Variants in TULP4 observed in about 807,000 individuals in gnomAD.
The protein encoded by TULP4 is tubby-related protein 4.
TULP4 carries 16 observed loss-of-function variants against 129.0 expected under a neutral mutation model. The ratio of observed to expected loss-of-function variants is 0.12; its 90% CI spans 0.08 to 0.19. The LOEUF (loss-of-function observed/expected upper bound fraction) is 0.19, where lower values mean the gene tolerates loss of function less well. Ranked by LOEUF, TULP4 falls within the 10% of genes least tolerant of loss-of-function variation. TULP4 has a pLI of 1.00. For missense variants in TULP4, 1,842 were observed against 2,059.1 expected (o/e 0.89, Z 2.04); for synonymous variants, 998 against 854.0 (o/e 1.17, Z -2.94).
intron 2 of TULP4, among the ~76,000 whole-genome samples, chr6:158,426,761 T>C (rs1302104501): frequency 1.3e-5 from 2 of 152,206 alleles, no homozygotes; most frequent in Non-Finnish European, 2.9e-5. Flanking sequence ...ATGAAGAATG[T>C]CATTGGTAGT....
At position 158,313,678 on chromosome 6, in the gene TULP4, C is replaced by T. The variant is rs907058794; in HGVS notation, c.-339C>T. 1.8e-5 allele frequency: 8 copies of T among 443,928 alleles called. No individual in the cohort carries two copies. The South Asian group carries it at 2.8e-4, about 15-fold the overall frequency. The allele number at this position is 443,928 out of a possible 1,614,324, so 27.5% of individuals were successfully genotyped here. A position where few individuals can be genotyped will look rare whatever the true frequency, so the allele number is the denominator to read the frequency against. Reference sequence around the variant, plus strand: ...CCAAGTGGAGTAAAAAGAAGAAAACCGTTTCTTGATCACCACTTAATTAAC... The same window carrying T: ...CCAAGTGGAGTAAAAAGAAGAAAACTGTTTCTTGATCACCACTTAATTAAC... On this transcript the variant is annotated 5_prime_UTR_variant, in exon 1 of 14. Transcript: ENST00000367097.
At chr6:158,314,537 G>A (rs1779445023) in intron 1 of TULP4, among the ~76,000 whole-genome samples, 1 of 152,148 alleles carries the variant, frequency 6.6e-6, no homozygotes, top group African/African-American at 2.4e-5. Flanking sequence ...TCCGGGCAGT[G>A]GGAAGACGCC....
At chr6:158,338,703 C>T (rs1780102883) in intron 1 of TULP4, among the ~76,000 whole-genome samples, 1 of 152,172 alleles carries the variant, frequency 6.6e-6, no homozygotes, top group African/African-American at 2.4e-5. Context: ...AAACTTGGCC[C>T]AGGGACCTAA....
intron 2 of TULP4, among the ~76,000 whole-genome samples, chr6:158,418,771 A>G (rs951193323): frequency 6.6e-6 from 1 of 152,164 alleles, no homozygotes; most frequent in East Asian, 1.9e-4. Context: ...AAGTCTCTAG[A>G]CAAATAAACA....
chr6:158,437,978 C>T (rs1405183235), intron 3 of TULP4: 1 of 152,160 alleles, frequency 6.6e-6, no homozygotes, highest in Non-Finnish European at 1.5e-5. Flanking sequence ...CGGCTCAAGT[C>T]AGAAACTCCC....
chr6:158,305,885 C>T (rs6919284), intron 1 of TULP4, among the ~76,000 whole-genome samples: 131,562 of 152,064 alleles, frequency 0.87, 57,281 homozygotes, highest in Admixed American at 0.92. Flanking sequence ...TCTTATCATT[C>T]CTTGGAAACT....
intron 13 of TULP4, 132 bp downstream of exon 13, chr6:158,504,310 A>T (rs1780547101): frequency 1.4e-6 from 1 of 735,548 alleles, no homozygotes; most frequent in Non-Finnish European, 2.2e-6. Context: ...GGTGGAGCTC[A>T]TGGGGTTATG....
In TULP4 at chr6:158,329,580, T is replaced by C. The variant is rs576996426; in HGVS notation, c.252+15312T>C. 2.2e-3 allele frequency among the ~76,000 whole-genome samples: 334 copies of C among 152,226 alleles called. 1 individual carries two copies. Among genetic ancestry groups the C allele is most frequent in the Middle Eastern group, 3.4e-3 (1 of 294 alleles). ...GATGGCTTTGTTTAAAAAGGCAGTA[T>C]GAGTTAATGTTTAGGACTTGGGAAG... On this transcript the variant is annotated intron_variant, in intron 1 of 13. Coordinates refer to ENST00000367097, the MANE Select transcript of TULP4 (RefSeq NM_020245.5).
intron 1 of TULP4, among the ~76,000 whole-genome samples, chr6:158,339,447 C>G (rs9457350): frequency 6.6e-6 from 1 of 152,168 alleles, no homozygotes; most frequent in Admixed American, 6.5e-5. Context: ...GACTAGAATT[C>G]GCCAGGCTGG....
At chr6:158,233,465 C>T (rs996534235) in intron 1 of TULP4, among the ~76,000 whole-genome samples, 2 of 152,316 alleles carry the variant, frequency 1.3e-5, no homozygotes, top group East Asian at 1.9e-4. Flanking sequence ...CCTCTTCCTC[C>T]GTGTCTGGGT....
intron 3 of TULP4, among the ~76,000 whole-genome samples, chr6:158,436,968 G>A (rs944434360): frequency 2.2e-4 from 34 of 152,220 alleles, no homozygotes; most frequent in African/African-American, 7.5e-4. Context: ...AGGAGGTTTT[G>A]CACCCTGTGT....
At chr6:158,268,917 A>G (rs1240670035) in intron 1 of TULP4, among the ~76,000 whole-genome samples, 1 of 152,068 alleles carries the variant, frequency 6.6e-6, no homozygotes, top group Non-Finnish European at 1.5e-5. Context: ...TTTAGCCTTT[A>G]GCACTGTTGG....
In TULP4 at chr6:158,377,021, A is replaced by G. The variant is rs112859809; in HGVS notation, c.253-36044A>G. Among the ~76,000 whole-genome samples, 204 of 152,296 alleles carry G rather than the reference A, an allele frequency of 1.3e-3. 1 individual carries two copies. Among genetic ancestry groups the G allele is most frequent in the African/African-American group, 4.7e-3 (194 of 41,566 alleles). On this transcript the variant is annotated intron_variant, in intron 1 of 13. Coordinates refer to ENST00000367097, the MANE Select transcript of TULP4 (RefSeq NM_020245.5). ...TTGGGTTTCTGTTGCTTATACCTGG[A>G]TGTCTTTCTCATTGATCTGGTATGT...
At chr6:158,252,486 C>T (rs897779023) in intron 1 of TULP4, among the ~76,000 whole-genome samples, 3 of 152,132 alleles carry the variant, frequency 2.0e-5, no homozygotes, top group African/African-American at 7.2e-5. Flanking sequence ...AGCGATTCTC[C>T]TGTCTCAGCC....
intron 1 of TULP4, among the ~76,000 whole-genome samples, chr6:158,275,862 G>T (rs1778637267): frequency 6.6e-6 from 1 of 152,226 alleles, no homozygotes. Context: ...GTCATTCTGT[G>T]AAAGTACTGA....
At chr6:158,249,218 T>C (rs886679023) in intron 1 of TULP4, among the ~76,000 whole-genome samples, 6 of 152,194 alleles carry the variant, frequency 3.9e-5, no homozygotes, top group African/African-American at 9.7e-5. Flanking sequence ...TTATTCTTGT[T>C]ATATTTTCCC....
chr6:158,426,312 G>C (rs550006729), intron 2 of TULP4, among the ~76,000 whole-genome samples: 1 of 152,252 alleles, frequency 6.6e-6, no homozygotes, highest in East Asian at 1.9e-4. Context: ...CCTATGTCCA[G>C]AATGGTATTG....
At chr6:158,465,340 T>A (rs532651581) in intron 6 of TULP4, among the ~76,000 whole-genome samples, 11 of 152,272 alleles carry the variant, frequency 7.2e-5, no homozygotes, top group Non-Finnish European at 1.2e-4. Flanking sequence ...GAATTTTCTT[T>A]CTTTTTAAGG....
intron 2 of TULP4, among the ~76,000 whole-genome samples, chr6:158,427,151 G>T (rs959208505): frequency 6.6e-6 from 1 of 152,112 alleles, no homozygotes; most frequent in South Asian, 2.1e-4. Context: ...TGTATAAAAA[G>T]GAATGAACTA....
Sources: allele counts gnomAD v4.1 joint callset (sites outside exome capture counted in the v4.1 genomes callset), GRCh38; gene constraint gnomAD v4.1.1; transcripts MANE v1.5; gene names NCBI Gene and HGNC (gene_info 2026-07-23, HGNC 2026-07-21).